The following EPB41L3 variants were observed in gnomAD, a reference collection of about 807,000 sequenced individuals.
EPB41L3 encodes the protein erythrocyte membrane protein band 4.1 like 3, also known as band 4.1-like protein 3.
In EPB41L3, 57 loss-of-function variants were observed where a neutral mutation model predicts 127.1. The observed-to-expected ratio is 0.45, with a 90% confidence interval of 0.36 to 0.56. The LOEUF is 0.56. Ranked by LOEUF, EPB41L3 falls within the 20% of genes least tolerant of loss-of-function variation. The pLI is 0.00. For synonymous variants in EPB41L3, 572 were observed against 549.5 expected, an observed-to-expected ratio of 1.04 and a Z score of -0.57; for missense variants, 1,273 against 1,372.2, an observed-to-expected ratio of 0.93 and a Z score of 1.14.
At chr18:5,533,370 CT>C (rs1356877057) in intron 1 of EPB41L3, among the ~76,000 whole-genome samples, 2 of 152,118 alleles carry the variant, frequency 1.3e-5, no homozygotes, top group African/African-American at 2.4e-5. Flanking sequence ...TGTTGTCCCC[CT>C]ATGTGGATTA....
At chr18:5,579,280 T>G (rs1387046040) in intron 3 of EPB41L3, among the ~76,000 whole-genome samples, 1 of 152,114 alleles carries the variant, frequency 6.6e-6, no homozygotes, top group Non-Finnish European at 1.5e-5. Flanking sequence ...CTGTCTCTGT[T>G]AGGTGGAGAG....
At chr18:5,568,628 G>T (rs994505718) in intron 3 of EPB41L3, among the ~76,000 whole-genome samples, 1 of 152,162 alleles carries the variant, frequency 6.6e-6, no homozygotes, top group Non-Finnish European at 1.5e-5. Flanking sequence ...TTGTCAACAT[G>T]AGAAGAAACT....
intron 20 of EPB41L3, among the ~76,000 whole-genome samples, chr18:5,395,405 G>A (rs1342736239): frequency 6.6e-6 from 1 of 152,164 alleles, no homozygotes; most frequent in East Asian, 1.9e-4. Context: ...ATATCAGAAT[G>A]TATATTCCTA....
intron 3 of EPB41L3, among the ~76,000 whole-genome samples, chr18:5,594,937 C>T (rs755887055): frequency 6.6e-6 from 1 of 152,152 alleles, no homozygotes; most frequent in South Asian, 2.1e-4. Flanking sequence ...TAATAAAAAT[C>T]TTGTTAAAAG....
intron 1 of EPB41L3, among the ~76,000 whole-genome samples, chr18:5,614,669 T>G (rs1358385806): frequency 1.5e-5 from 2 of 137,060 alleles, no homozygotes; most frequent in African/African-American, 5.1e-5. Flanking sequence ...CTCCCCTGAT[T>G]CTTAGGAAAA....
intron 13 of EPB41L3, among the ~76,000 whole-genome samples, chr18:5,412,759 T>C (rs1049975880): frequency 6.6e-6 from 1 of 152,096 alleles, no homozygotes; most frequent in African/African-American, 2.4e-5. Flanking sequence ...TGGGCACTTT[T>C]CATATTTTAA....
intron 6 of EPB41L3, 150 bp downstream of exon 6, chr18:5,437,885 A>G (rs1229496725): frequency 1.7e-6 from 1 of 599,414 alleles, no homozygotes; most frequent in East Asian, 3.1e-5. Flanking sequence ...ATCTCATCAG[A>G]TGTTTGCTCT....
chr18:5,440,476 T>C (rs2080522923), intron 5 of EPB41L3, among the ~76,000 whole-genome samples: 1 of 151,892 alleles, frequency 6.6e-6, no homozygotes, highest in Non-Finnish European at 1.5e-5. Context: ...GAGAAGGAAG[T>C]GCTTACGCAA....
At position 5,478,491 on chromosome 18, in the gene EPB41L3, T is replaced by TG. The variant is rs1430969214; in HGVS notation, c.184-54dup. ...TCATTGCAAGGTGGGAAATAAATAT[T>TG]GCATTGCTCATGCAATAGCACAAAA... is the stretch of plus-strand genomic sequence containing the variant. On this transcript the variant is annotated intron_variant, in intron 2 of 22. Coordinates refer to ENST00000341928, the MANE Select transcript of EPB41L3 (RefSeq NM_012307.5). The TG allele has an allele frequency of 5.7e-6, 9 of 1,572,274 alleles. No homozygotes were observed. The African/African-American group carries it at 1.2e-4, about 21-fold the overall frequency.
At chr18:5,438,994 T>C (rs2080268951) in intron 5 of EPB41L3, among the ~76,000 whole-genome samples, 1 of 152,186 alleles carries the variant, frequency 6.6e-6, no homozygotes, top group East Asian at 1.9e-4. Flanking sequence ...TTTCTTTTTT[T>C]CCACATTTAC....
chr18:5,448,487 G>C (rs2081845533), intron 3 of EPB41L3, among the ~76,000 whole-genome samples: 2 of 152,058 alleles, frequency 1.3e-5, no homozygotes, highest in South Asian at 4.1e-4. Flanking sequence ...CAATCAATCA[G>C]ACTGGAAATT....
At chr18:5,454,526 C>G (rs558070016) in intron 3 of EPB41L3, among the ~76,000 whole-genome samples, 1 of 152,272 alleles carries the variant, frequency 6.6e-6, no homozygotes, top group African/African-American at 2.4e-5. Context: ...ATGTACTAAT[C>G]CCAAATGTGG....
At chr18:5,586,015 A>G (rs572379212) in intron 3 of EPB41L3, among the ~76,000 whole-genome samples, 1 of 152,286 alleles carries the variant, frequency 6.6e-6, no homozygotes, top group African/African-American at 2.4e-5. Context: ...AGGGGCAGTA[A>G]CAACTTCCCA....
chr18:5,542,924 A>G (rs1568546688), intron 1 of EPB41L3, among the ~76,000 whole-genome samples: 1 of 152,214 alleles, frequency 6.6e-6, no homozygotes, highest in Non-Finnish European at 1.5e-5. Context: ...CTGCGGCAGC[A>G]GCCAGGAAAC....
chr18:5,462,903 A>G (rs755858906), intron 3 of EPB41L3, among the ~76,000 whole-genome samples: 26 of 152,322 alleles, frequency 1.7e-4, no homozygotes, highest in Non-Finnish European at 3.5e-4. Flanking sequence ...AACGCATCTA[A>G]GTTAAATTCA....
intron 3 of EPB41L3, chr18:5,610,113 C>T: frequency 1.0e-6 from 1 of 985,362 alleles, no homozygotes; most frequent in African/African-American, 1.7e-5. Flanking sequence ...AAAGAGAAGT[C>T]AACAGCTTAA....
chr18:5,502,304 GA>G (rs796567066), intron 1 of EPB41L3, among the ~76,000 whole-genome samples: 6,427 of 141,690 alleles, frequency 0.045, 399 homozygotes, highest in African/African-American at 0.15. Flanking sequence ...AATAAATTTG[GA>G]AAAAAAAAAA....
In EPB41L3 at chr18:5,397,273, C is replaced by A. The variant is rs2073699072; in HGVS notation, c.2626G>T (p.Asp876Tyr). ...ASGDASYSAG[D>Y]SGDAAAQPAF... ...GGCTGTGCTGCAGCATCCCCGCTGT[C>A]TCCCGCCGAGTAAGAAGCATCCCCA... The change falls in exon 18 of 23, where the codon GAC becomes TAC. Residue 876 changes from aspartate to tyrosine, a missense_variant. By Grantham distance (160) the Asp-to-Tyr change is radical (BLOSUM62 -3). This residue lies in a region of EPB41L3 where 765 missense variants were observed against 782.9 expected (regional missense o/e 0.98). Transcript: ENST00000341928. This position sits in a 1 kb window ranked among gnomAD's most constrained non-coding sequence, Gnocchi z 4.1. 1.2e-6 allele frequency: 2 copies of A among 1,614,088 alleles called. No homozygotes were observed. The highest frequency in any genetic ancestry group is 1.7e-6 in the Non-Finnish European group (2 of 1,180,028).
chr18:5,590,469 T>C (rs1270178994), intron 3 of EPB41L3, among the ~76,000 whole-genome samples: 1 of 152,192 alleles, frequency 6.6e-6, no homozygotes, highest in Non-Finnish European at 1.5e-5. Context: ...ATGGTAGAGC[T>C]ACTTTGCAAA....
Sources: gnomAD v4.1 joint callset for allele counts (sites outside exome capture counted in the v4.1 genomes callset) on GRCh38, gnomAD v4.1.1 for gene constraint, gnomAD v4.1.1 regional missense constraint, Gnocchi (gnomAD v3.1) non-coding constraint, MANE v1.5 for transcripts, NCBI Gene and HGNC (gene_info 2026-07-23, HGNC 2026-07-21) for gene names.